Variants in ALB observed in about 807,000 individuals in gnomAD.
The protein encoded by ALB is albumin.
Under a neutral mutation model 74.5 loss-of-function variants are expected in ALB, and 37 were observed. That is an observed-to-expected ratio of 0.50 (90% CI 0.38 to 0.65). ALB has a LOEUF of 0.65. Among genes scored for constraint, ALB ranks in the 30% least tolerant of loss-of-function variants. The pLI is 0.00. For missense variants in ALB, 685 were observed against 718.7 expected, an observed-to-expected ratio of 0.95 and a Z score of 0.54; for synonymous variants, 249 against 251.6, an observed-to-expected ratio of 0.99 and a Z score of 0.10.
In ALB at chr4:73,418,200, C is replaced by T. The variant is rs2149329576; in HGVS notation, c.1541C>T (p.Ala514Val). The change falls in exon 12 of 15, where the codon GCT becomes GTT. Residue 514 changes from alanine (A) to valine (V), a missense_variant. Transcript: ENST00000295897. ...GTGAACAGGCGACCATGCTTTTCAG[C>T]TCTGGAAGTCGATGAAACATACGTT... ...SLVNRRPCFS[A>V]LEVDETYVPK... 1 of 1,614,142 alleles carries T rather than the reference C, an allele frequency of 6.2e-7. No homozygotes were observed. The highest frequency in any genetic ancestry group is 2.2e-5 in the East Asian group (1 of 44,886).
chr4:73,407,524 T>G (rs1718764748), intron 3 of ALB, among the ~76,000 whole-genome samples: 1 of 152,192 alleles, frequency 6.6e-6, no homozygotes, highest in South Asian at 2.1e-4. Flanking sequence ...GATAGACATT[T>G]AGGTTGGTTT....
chr4:73,414,974 T>C, intron 8 of ALB, 61 bp from the exon 9 acceptor site: 1 of 1,587,522 alleles, frequency 6.3e-7, no homozygotes, highest in East Asian at 2.2e-5. Flanking sequence ...TGAGATTAGC[T>C]TTGTGATATT....
chr4:73,416,414 A>G, intron 10 of ALB, 61 bp downstream of exon 10: 2 of 1,178,214 alleles, frequency 1.7e-6, no homozygotes, highest in Admixed American at 1.8e-5. Context: ...GACTTAATAT[A>G]TGAGCCACCT....
intron 4 of ALB, 110 bp downstream of exon 4, chr4:73,408,915 G>A (rs1241640556): frequency 2.0e-6 from 2 of 997,076 alleles, no homozygotes; most frequent in Non-Finnish European, 2.9e-6. Context: ...TTAAGACTTG[G>A]AAGTTTTGTT....
chr4:73,407,074 A>G (rs1349370387), intron 3 of ALB, among the ~76,000 whole-genome samples: 2 of 152,176 alleles, frequency 1.3e-5, no homozygotes, highest in African/African-American at 4.8e-5. Context: ...AGAGGCTAAT[A>G]GGGATATGAT....
rs1354123004 is a variant in ALB, at chr4:73,419,493, C to G, written c.1653-14C>G. The G allele has an allele frequency of 1.3e-6, 2 of 1,579,400 alleles. No individual in the cohort carries two copies. The highest frequency in any genetic ancestry group is 3.7e-5 in the Admixed American group (2 of 54,712). On this transcript the variant is annotated splice_polypyrimidine_tract_variant and intron_variant, in intron 12 of 14. Coordinates refer to ENST00000295897, the MANE Select transcript of ALB (RefSeq NM_000477.7). Reference sequence around the variant, plus strand: ...TTTTCTGTTTTTTTTTTTTCTTTTTCCATTCAAACTCAGTGCACTTGTTGA... The same window carrying G: ...TTTTCTGTTTTTTTTTTTTCTTTTTGCATTCAAACTCAGTGCACTTGTTGA...
intron 5 of ALB, 152 bp from the exon 6 acceptor site, chr4:73,410,160 C>G (rs1023052740): frequency 1.5e-6 from 1 of 665,154 alleles, no homozygotes; most frequent in Non-Finnish European, 2.7e-6. Flanking sequence ...TCTTAGAGAG[C>G]AAAATCATTA....
chr4:73,419,934 A>G (rs1719104526), intron 13 of ALB, among the ~76,000 whole-genome samples: 1 of 152,208 alleles, frequency 6.6e-6, no homozygotes, highest in Non-Finnish European at 1.5e-5. Flanking sequence ...TGAAATCAAA[A>G]CATTAATTTA....
chr4:73,413,698 C>A, intron 8 of ALB, 64 bp downstream of exon 8: 1 of 1,493,032 alleles, frequency 6.7e-7, no homozygotes, highest in South Asian at 1.1e-5. Context: ...GGAGGATAGC[C>A]TAGGCTTTTC....
Position 73,414,925 on chromosome 4 carries a change from G to T in ALB, c.1059-110G>T. 3.6e-6 allele frequency: 5 copies of T among 1,385,144 alleles called. No homozygotes were observed. The South Asian group carries it at 5.9e-5, about 16-fold the overall frequency. The allele number at this position is 1,385,144 out of a possible 1,614,324, so 85.8% of individuals were successfully genotyped here. On this transcript the variant is annotated intron_variant, in intron 8 of 14. Transcript: ENST00000295897. ...TAGCTACTAAGCTTTACTGCATGGG[G>T]TTTAGTCAAATTAAGACTTTTGGAA...
At chr4:73,417,761 ATG>A (rs1719050878) in intron 11 of ALB, 92 bp downstream of exon 11, 58 of 1,212,194 alleles carry the variant, frequency 4.8e-5, no homozygotes, top group Non-Finnish European at 5.3e-5. Context: ...GAAGGAAGTA[ATG>A]TGTGTGTGTG....
intron 11 of ALB, 85 bp downstream of exon 11, chr4:73,417,754 G>A: frequency 4.0e-6 from 5 of 1,259,740 alleles, no homozygotes; most frequent in Non-Finnish European, 5.5e-6. Context: ...ATAAGCAGAA[G>A]GAAGTAATGT....
chr4:73,409,356 T>C lies in ALB; in HGVS notation c.484T>C (p.Tyr162His). The C allele has an allele frequency of 6.2e-7, 1 of 1,613,406 alleles. No individual in the cohort carries two copies. Among genetic ancestry groups the C allele is most frequent in the Non-Finnish European group, 8.5e-7 (1 of 1,179,500 alleles). Residue 162 changes from tyrosine (Y) to histidine (H), a missense_variant and splice_region_variant, in exon 5 of 15, where the codon TAC becomes CAC. Tyr to His is a moderately conservative substitution (Grantham distance 83, BLOSUM62 2). Transcript: ENST00000295897. Reference sequence around the variant, plus strand: ...CTGTTTTTCTTTTTCAAAATTTAGATACTTATATGAAATTGCCAGAAGACA... The same window carrying C: ...CTGTTTTTCTTTTTCAAAATTTAGACACTTATATGAAATTGCCAGAAGACA... ...HDNEETFLKK[Y>H]LYEIARRHPY...
intron 9 of ALB, among the ~76,000 whole-genome samples, chr4:73,415,992 G>T (rs1719001968): frequency 6.6e-6 from 1 of 152,138 alleles, no homozygotes; most frequent in African/African-American, 2.4e-5. Flanking sequence ...AAGTAAAATT[G>T]CACAACTGAA....
At chr4:73,410,577 A>G (rs1013121867) in intron 6 of ALB, among the ~76,000 whole-genome samples, 168 bp downstream of exon 6, 2 of 152,154 alleles carry the variant, frequency 1.3e-5, no homozygotes. Context: ...ATCAATGACA[A>G]TTTGACATTA....
intron 12 of ALB, 56 bp from the exon 13 acceptor site, chr4:73,419,451 T>G (rs1719091646): frequency 4.3e-5 from 66 of 1,551,736 alleles, no homozygotes; most frequent in Non-Finnish European, 5.5e-5. Flanking sequence ...TCCATTTTTC[T>G]ATACGTGAGT....
intron 12 of ALB, 42 bp from the exon 13 acceptor site, chr4:73,419,465 G>GT (rs1296861471): frequency 1.9e-6 from 3 of 1,587,178 alleles, no homozygotes; most frequent in Middle Eastern, 1.7e-4. Context: ...CGTGAGTAAT[G>GT]TTTTTTCTGT....
Position 73,421,269 on chromosome 4 carries a change from G to A in ALB, c.*201G>A, listed in dbSNP as rs897420818. 8 of 459,568 alleles carry A rather than the reference G, an allele frequency of 1.7e-5. No individual in the cohort carries two copies. The highest frequency in any genetic ancestry group is 1.2e-4 in the Admixed American group (3 of 24,606). 28.5% of individuals were successfully genotyped at this position (459,568 alleles called of 1,614,324 possible). ...GGAAAGAATCTAATAGAGTGGTACA[G>A]CACTGTTATTTTTCAAAGATGTGTT... is the stretch of plus-strand genomic sequence containing the variant. On this transcript the variant is annotated 3_prime_UTR_variant, in exon 15 of 15. Coordinates refer to ENST00000295897, the MANE Select transcript of ALB (RefSeq NM_000477.7).
intron 12 of ALB, chr4:73,419,169 C>T (rs1719086789): frequency 5.0e-6 from 1 of 198,024 alleles, no homozygotes; most frequent in South Asian, 1.1e-4. Context: ...ATGGCACTTC[C>T]AAAATCTGAA....
Sources: allele counts gnomAD v4.1 joint callset (sites outside exome capture counted in the v4.1 genomes callset), GRCh38; gene constraint gnomAD v4.1.1; transcripts MANE v1.5; gene names NCBI Gene and HGNC (gene_info 2026-07-23, HGNC 2026-07-21).